The following NRXN1 variants were observed in gnomAD, a reference collection of about 807,000 sequenced individuals.
NRXN1 encodes the protein neurexin-1.
A neutral mutation model predicts 150.9 loss-of-function variants in NRXN1; 39 were observed. The ratio of observed to expected loss-of-function variants is 0.26; its 90% CI spans 0.20 to 0.34. The LOEUF (loss-of-function observed/expected upper bound fraction) is 0.34, where lower values mean the gene tolerates loss of function less well. Among genes scored for constraint, NRXN1 ranks in the 10% least tolerant of loss-of-function variants. The pLI, the probability that NRXN1 is intolerant of heterozygous loss-of-function variation, is 1.00. For synonymous variants in NRXN1, 924 were observed against 757.0 expected (o/e 1.22, Z -3.62); for missense variants, 1,815 against 1,949.9 (o/e 0.93, Z 1.30).
intron 5 of NRXN1, among the ~76,000 whole-genome samples, chr2:50,751,580 G>C (rs923205574): frequency 6.6e-6 from 1 of 151,870 alleles, no homozygotes; most frequent in Non-Finnish European, 1.5e-5. Context: ...CACCCCATAT[G>C]CCATATTTCC....
At chr2:50,945,877 G>GATATAT (rs72142854) in intron 2 of NRXN1, among the ~76,000 whole-genome samples, 378 of 138,656 alleles carry the variant, frequency 2.7e-3, no homozygotes, top group East Asian at 0.015. Context: ...CAGAAAAACA[G>GATATAT]ATATATATAT....
chr2:50,395,600 C>T (rs1294587926), intron 17 of NRXN1, among the ~76,000 whole-genome samples: 2 of 152,052 alleles, frequency 1.3e-5, no homozygotes, highest in African/African-American at 4.8e-5. Flanking sequence ...TTGTACTCTG[C>T]TGAAACTTGT....
chr2:50,234,482 G>A (rs576858617), intron 18 of NRXN1, among the ~76,000 whole-genome samples: 31 of 152,100 alleles, frequency 2.0e-4, no homozygotes, highest in Non-Finnish European at 3.7e-4. Context: ...CAACAAGAGC[G>A]AAACTTTGTC....
chr2:50,790,308 A>G (rs1486856792), intron 5 of NRXN1, among the ~76,000 whole-genome samples: 3 of 152,160 alleles, frequency 2.0e-5, no homozygotes, highest in African/African-American at 2.4e-5. Flanking sequence ...TTAAAATCAG[A>G]AACTGCTTTA....
intron 8 of NRXN1, among the ~76,000 whole-genome samples, chr2:50,568,259 T>G (rs1670163510): frequency 1.3e-5 from 2 of 152,110 alleles, no homozygotes; most frequent in South Asian, 4.1e-4. Flanking sequence ...TAATACCCCA[T>G]AAACGTAGGC....
At chr2:50,241,666 T>C (rs57929856) in intron 17 of NRXN1, among the ~76,000 whole-genome samples, 1 of 151,922 alleles carries the variant, frequency 6.6e-6, no homozygotes, top group East Asian at 1.9e-4. Context: ...CCAATAAATG[T>C]TTGTAAAAAA....
chr2:50,625,111 A>T (rs557927714), intron 5 of NRXN1: 1 of 152,132 alleles, frequency 6.6e-6, no homozygotes, highest in African/African-American at 2.4e-5. Context: ...GGGTTGATAC[A>T]TCAGCAGGTG....
chr2:50,419,654 G>T (rs2083816475), intron 17 of NRXN1, among the ~76,000 whole-genome samples: 1 of 151,862 alleles, frequency 6.6e-6, no homozygotes, highest in South Asian at 2.1e-4. Flanking sequence ...AGGCAGGTGG[G>T]TGTATCTTAC....
intron 5 of NRXN1, among the ~76,000 whole-genome samples, chr2:50,736,317 C>T (rs1698742138): frequency 6.6e-6 from 1 of 152,284 alleles, no homozygotes; most frequent in East Asian, 1.9e-4. Context: ...TTTCTCAGAT[C>T]CCTTCACTAG....
At chr2:50,538,186 G>C (rs992878648) in intron 10 of NRXN1, 67 bp downstream of exon 10, 1 of 1,542,314 alleles carries the variant, frequency 6.5e-7, no homozygotes, top group Non-Finnish European at 8.8e-7. Context: ...GTCAGTGCAG[G>C]TTTGAGGTCA....
intron 22 of NRXN1, among the ~76,000 whole-genome samples, chr2:49,929,388 A>C (rs976374172): frequency 3.9e-5 from 6 of 152,210 alleles, no homozygotes; most frequent in Non-Finnish European, 7.3e-5. Flanking sequence ...ACTATGTTGT[A>C]AACTATATGT....
chr2:50,655,647 T>G (rs1686331361), intron 5 of NRXN1, among the ~76,000 whole-genome samples: 1 of 151,222 alleles, frequency 6.6e-6, no homozygotes, highest in African/African-American at 2.4e-5. Context: ...TTTTTTGTGT[T>G]GTTGTTTTTA....
chr2:50,231,548 G>T (rs956055391), intron 18 of NRXN1, among the ~76,000 whole-genome samples: 15 of 152,148 alleles, frequency 9.9e-5, no homozygotes, highest in Admixed American at 8.5e-4. Flanking sequence ...GCCCAGCAAA[G>T]TACAAAGAAG....
chr2:50,693,654 T>C (rs748802549), intron 5 of NRXN1, among the ~76,000 whole-genome samples: 11 of 152,258 alleles, frequency 7.2e-5, no homozygotes, highest in Non-Finnish European at 1.5e-4. Context: ...AAGGAAAATA[T>C]GAAGGGAAAA....
At chr2:50,466,620 G>A in intron 16 of NRXN1, 1 of 381,598 alleles carries the variant, frequency 2.6e-6, no homozygotes, top group Non-Finnish European at 5.1e-6. Flanking sequence ...ATGCTATGTA[G>A]AGCAAACAAA....
chr2:50,282,096 C>CT (rs1376442597), intron 17 of NRXN1, among the ~76,000 whole-genome samples: 1 of 152,086 alleles, frequency 6.6e-6, no homozygotes, highest in African/African-American at 2.4e-5. Context: ...GTTTTATGGT[C>CT]TTTGCTGTGT....
chr2:50,705,270 T>C (rs1694279766), intron 5 of NRXN1, among the ~76,000 whole-genome samples: 1 of 152,164 alleles, frequency 6.6e-6, no homozygotes, highest in South Asian at 2.1e-4. Context: ...CAATTCTTTA[T>C]TCAATTGGTC....
intron 22 of NRXN1, among the ~76,000 whole-genome samples, chr2:49,939,519 A>T (rs748536663): frequency 1.1e-4 from 16 of 152,198 alleles, no homozygotes; most frequent in Non-Finnish European, 1.9e-4. Context: ...CTAACTGTGC[A>T]GGACAGTGTG....
chr2:50,489,073 A>G (rs2091073836), intron 15 of NRXN1, among the ~76,000 whole-genome samples: 1 of 152,202 alleles, frequency 6.6e-6, no homozygotes, highest in Admixed American at 6.5e-5. Flanking sequence ...GACGTGGTAA[A>G]CTGTCAGCTT....
Sources: gnomAD v4.1 joint callset for allele counts (sites outside exome capture counted in the v4.1 genomes callset) on GRCh38, gnomAD v4.1.1 for gene constraint, MANE v1.5 for transcripts, NCBI Gene and HGNC (gene_info 2026-07-23, HGNC 2026-07-21) for gene names.